CDC14B: variants seen among roughly 807,000 people sequenced by gnomAD.
CDC14B encodes cell division cycle 14B, also known as dual specificity protein phosphatase CDC14B.
In CDC14B, 22 loss-of-function variants were observed where a neutral mutation model predicts 64.2. The ratio of observed to expected loss-of-function variants is 0.34; its 90% CI spans 0.24 to 0.49. The LOEUF (loss-of-function observed/expected upper bound fraction) is 0.49. Ranked by LOEUF, CDC14B falls within the 20% of genes least tolerant of loss-of-function variation. The pLI is 0.99. For missense variants in CDC14B, 498 were observed against 629.9 expected (o/e 0.79, Z 2.24); for synonymous variants, 191 against 215.8 (o/e 0.89, Z 1.01).
At chr9:96,517,668 G>GAAGA (rs555556606) in intron 12 of CDC14B, among the ~76,000 whole-genome samples, 185 of 115,454 alleles carry the variant, frequency 1.6e-3, no homozygotes, top group African/African-American at 6.5e-3. Flanking sequence ...AAAAAAAGAA[G>GAAGA]AAGAAAGAAA....
Position 96,529,681 on chromosome 9 carries a change from TG to T in CDC14B, c.946+4245del, listed in dbSNP as rs572709711. On this transcript the variant is annotated intron_variant, in intron 9 of 13. Transcript: ENST00000375241. ...TAATTTTTGTATTTTTTAGTAGAGA[TG>T]GGGTTTTGCCATGCTGTCCAGGGTG... Among the ~76,000 whole-genome samples, 10 of 151,952 alleles carry T rather than the reference TG, an allele frequency of 6.6e-5. No homozygotes were observed. In the East Asian group the frequency reaches 1.7e-3, roughly 27 times the overall value.
chr9:96,556,943 C>T lies in CDC14B; in HGVS notation c.421-5071G>A, dbSNP rs1195073999. 5.3e-5 allele frequency among the ~76,000 whole-genome samples: 8 copies of T among 152,244 alleles called. No individual in the cohort carries two copies. The East Asian group carries it at 1.4e-3, about 26-fold the overall frequency. On this transcript the variant is annotated intron_variant, in intron 4 of 13. Transcript: ENST00000375241. ...ATGGAAGAGGGCCTGCTCCTCTGGC[C>T]GTATTTATAGACAGGAACCCATCCT...
intron 13 of CDC14B, among the ~76,000 whole-genome samples, chr9:96,504,172 G>A (rs1833816224): frequency 1.3e-5 from 2 of 152,132 alleles, no homozygotes; most frequent in Admixed American, 6.5e-5. Flanking sequence ...GGCTGTGGGA[G>A]GAGCGGGCAG....
At chr9:96,547,181 T>G (rs950076593) in intron 5 of CDC14B, among the ~76,000 whole-genome samples, 1 of 150,948 alleles carries the variant, frequency 6.6e-6, no homozygotes. Context: ...AGACAGGGTC[T>G]TGGCCAGGCA....
chr9:96,496,659 G>A (rs112153104), downstream of CDC14B, among the ~76,000 whole-genome samples: 2,237 of 152,318 alleles, frequency 0.015, 48 homozygotes, highest in African/African-American at 0.05. Flanking sequence ...CAATCCAGGC[G>A]CAGGCAAGGG....
chr9:96,496,703 G>A (rs1342098855), downstream of CDC14B, among the ~76,000 whole-genome samples: 1 of 152,244 alleles, frequency 6.6e-6, no homozygotes, highest in Non-Finnish European at 1.5e-5. Flanking sequence ...AGGCCACCCT[G>A]AAGTCCCCGC....
intron 5 of CDC14B, among the ~76,000 whole-genome samples, chr9:96,543,945 G>A (rs10118642): frequency 0.061 from 9,338 of 152,118 alleles, 907 homozygotes; most frequent in African/African-American, 0.21. Context: ...GAGGCCGGGC[G>A]TGGTGGCTCA....
At chr9:96,573,420 C>G (rs1844589959) in intron 1 of CDC14B, among the ~76,000 whole-genome samples, 1 of 151,896 alleles carries the variant, frequency 6.6e-6, no homozygotes, top group Non-Finnish European at 1.5e-5. Context: ...AAACCAATAG[C>G]TTTTCTATCT....
chr9:96,572,468 A>C (rs1270938776), intron 1 of CDC14B, among the ~76,000 whole-genome samples: 1 of 152,176 alleles, frequency 6.6e-6, no homozygotes, highest in Non-Finnish European at 1.5e-5. Flanking sequence ...CACACATATT[A>C]CAGAGGTCTT....
chr9:96,573,916 G>A (rs1844632554), intron 1 of CDC14B, among the ~76,000 whole-genome samples: 1 of 152,174 alleles, frequency 6.6e-6, no homozygotes, highest in Non-Finnish European at 1.5e-5. Flanking sequence ...GGGAGGCCGA[G>A]GTGGGCGGAT....
At chr9:96,567,791 T>C (rs1844195980) in intron 1 of CDC14B, among the ~76,000 whole-genome samples, 1 of 152,158 alleles carries the variant, frequency 6.6e-6, no homozygotes, top group African/African-American at 2.4e-5. Flanking sequence ...AGCTTAATTG[T>C]ACATTTAAAA....
In CDC14B at chr9:96,538,397, C is replaced by T. The variant is rs554565831; in HGVS notation, c.627+681G>A. Among the ~76,000 whole-genome samples, 9 of 152,142 alleles carry T rather than the reference C, an allele frequency of 5.9e-5. No individual in the cohort carries two copies. In the East Asian group the frequency reaches 9.6e-4, roughly 16 times the overall value. On this transcript the variant is annotated intron_variant, in intron 7 of 13. Coordinates refer to ENST00000375241, the MANE Select transcript of CDC14B (RefSeq NM_033331.4). ...CGTCTAAAACAAAACAAGAATATTG[C>T]TTCTGTAAGTGAAATGGGTGATTAA...
At chr9:96,587,350 C>T (rs1174268321) in intron 1 of CDC14B, among the ~76,000 whole-genome samples, 3 of 152,196 alleles carry the variant, frequency 2.0e-5, no homozygotes, top group South Asian at 2.1e-4. Context: ...ACAGCACACA[C>T]GGAGGAAATA....
At chr9:96,495,521 G>A (rs1158329688), downstream of CDC14B, among the ~76,000 whole-genome samples, 4 of 151,928 alleles carry the variant, frequency 2.6e-5, no homozygotes, top group Non-Finnish European at 4.4e-5. Context: ...TACTGGCCAC[G>A]GGTCTTGCGT....
intron 1 of CDC14B, among the ~76,000 whole-genome samples, chr9:96,582,226 A>T (rs1040107230): frequency 2.6e-5 from 4 of 152,234 alleles, no homozygotes; most frequent in African/African-American, 9.6e-5. Flanking sequence ...TTTTCTTAGA[A>T]GCAAAATTTA....
intron 4 of CDC14B, among the ~76,000 whole-genome samples, chr9:96,556,692 G>A (rs1842545946): frequency 6.6e-6 from 1 of 151,976 alleles, no homozygotes; most frequent in African/African-American, 2.4e-5. Flanking sequence ...TAAAAATAGT[G>A]AATTGGCCCT....
At chr9:96,550,060 G>A (rs1045066863) in intron 5 of CDC14B, among the ~76,000 whole-genome samples, 3 of 152,146 alleles carry the variant, frequency 2.0e-5, no homozygotes, top group African/African-American at 7.2e-5. Flanking sequence ...GAGTTCTATA[G>A]AACAAATGTC....
intron 1 of CDC14B, among the ~76,000 whole-genome samples, chr9:96,576,563 G>A (rs1451593981): frequency 2.1e-5 from 3 of 145,498 alleles, no homozygotes; most frequent in African/African-American, 7.6e-5. Flanking sequence ...AACCCAGGAT[G>A]CAGAGACTGC....
intron 1 of CDC14B, among the ~76,000 whole-genome samples, chr9:96,591,085 C>T (rs528408306): frequency 2.6e-5 from 4 of 152,162 alleles, no homozygotes; most frequent in South Asian, 2.1e-4. Context: ...TTTTCTTTGC[C>T]GAGCAGAAGT....
Sources: gnomAD v4.1 joint callset for allele counts (sites outside exome capture counted in the v4.1 genomes callset) on GRCh38, gnomAD v4.1.1 for gene constraint, MANE v1.5 for transcripts, NCBI Gene and HGNC (gene_info 2026-07-23, HGNC 2026-07-21) for gene names.